The following MCC variants were observed in gnomAD, a reference collection of about 807,000 sequenced individuals.
MCC encodes colorectal mutant cancer protein.
In MCC, 90 loss-of-function variants were observed where a neutral mutation model predicts 116.2. That is an observed-to-expected ratio of 0.77 (90% CI 0.65 to 0.92). MCC has a LOEUF of 0.92. Ranked by LOEUF, MCC falls within the 40% of genes least tolerant of loss-of-function variation. MCC has a pLI of 0.00. For synonymous variants in MCC, 578 were observed against 510.5 expected (o/e 1.13, Z -1.78); for missense variants, 1,516 against 1,312.2 (o/e 1.16, Z -2.40).
At chr5:113,060,610 C>T (rs1356982230) in intron 14 of MCC, among the ~76,000 whole-genome samples, 7 of 152,172 alleles carry the variant, frequency 4.6e-5, no homozygotes, top group Admixed American at 3.3e-4. Flanking sequence ...GCAATGCTGG[C>T]ATTTTAATTG....
chr5:113,049,599 A>C (rs1232315738), intron 15 of MCC, among the ~76,000 whole-genome samples: 1 of 152,220 alleles, frequency 6.6e-6, no homozygotes, highest in East Asian at 1.9e-4. Flanking sequence ...TTTCTAACAA[A>C]TAGAGCCCCC....
At chr5:113,257,634 G>A (rs1765068049) in intron 3 of MCC, among the ~76,000 whole-genome samples, 1 of 152,160 alleles carries the variant, frequency 6.6e-6, no homozygotes, top group African/African-American at 2.4e-5. Context: ...CAGAAAGGCT[G>A]GCAATAAATA....
chr5:113,427,363 G>C (rs563968175), intron 1 of MCC, among the ~76,000 whole-genome samples: 10 of 152,266 alleles, frequency 6.6e-5, no homozygotes, highest in African/African-American at 9.6e-5. Flanking sequence ...GAGTTGACTG[G>C]AAAGGTCCCA....
At chr5:113,362,878 G>A (rs1378219171) in intron 2 of MCC, among the ~76,000 whole-genome samples, 2 of 152,012 alleles carry the variant, frequency 1.3e-5, no homozygotes, top group Non-Finnish European at 2.9e-5. Context: ...GTGGAGGGAG[G>A]GAGCTTCTGC....
intron 3 of MCC, among the ~76,000 whole-genome samples, chr5:113,158,778 A>G (rs909301054): frequency 9.2e-5 from 14 of 152,242 alleles, no homozygotes; most frequent in Admixed American, 2.0e-4. Flanking sequence ...AAAAACTGCA[A>G]TTACTTTTTC....
intron 1 of MCC, among the ~76,000 whole-genome samples, chr5:113,483,881 G>A (rs569407585): frequency 5.3e-5 from 8 of 152,068 alleles, no homozygotes; most frequent in South Asian, 4.2e-4. Context: ...AAACTAGATC[G>A]CGTCCTTTGC....
intron 3 of MCC, among the ~76,000 whole-genome samples, chr5:113,213,941 C>T (rs1763219657): frequency 6.6e-6 from 1 of 152,092 alleles, no homozygotes; most frequent in Non-Finnish European, 1.5e-5. Flanking sequence ...TTTTTTTTCT[C>T]CACTTCCTAA....
intron 12 of MCC, among the ~76,000 whole-genome samples, chr5:113,068,523 G>GT (rs1753786789): frequency 6.6e-6 from 1 of 152,220 alleles, no homozygotes; most frequent in Non-Finnish European, 1.5e-5. Flanking sequence ...CGGCACCCTG[G>GT]TGTCCACACC....
chr5:113,445,402 C>T (rs986364657), intron 1 of MCC, among the ~76,000 whole-genome samples: 2 of 152,042 alleles, frequency 1.3e-5, no homozygotes, highest in African/African-American at 4.8e-5. Context: ...AAGTTTCAGG[C>T]TACAAAATCA....
intron 2 of MCC, among the ~76,000 whole-genome samples, chr5:113,379,135 A>T (rs895124009): frequency 6.6e-6 from 1 of 152,218 alleles, no homozygotes; most frequent in Admixed American, 6.5e-5. Flanking sequence ...CATTTCTGGG[A>T]GTGGCCTCTG....
At chr5:113,241,745 C>T (rs1764377149) in intron 3 of MCC, among the ~76,000 whole-genome samples, 1 of 152,158 alleles carries the variant, frequency 6.6e-6, no homozygotes, top group South Asian at 2.1e-4. Flanking sequence ...CAGGGGTCTC[C>T]ACTGTTCCTT....
intron 1 of MCC, among the ~76,000 whole-genome samples, chr5:113,483,874 C>T (rs980288660): frequency 6.6e-6 from 1 of 151,752 alleles, no homozygotes; most frequent in Admixed American, 6.6e-5. Flanking sequence ...AAAAAAAAAA[C>T]TAGATCGCGT....
At chr5:113,391,104 G>A (rs970396684) in intron 1 of MCC, among the ~76,000 whole-genome samples, 1 of 152,162 alleles carries the variant, frequency 6.6e-6, no homozygotes, top group Non-Finnish European at 1.5e-5. Flanking sequence ...GAAATAAGTA[G>A]AGTGAAGTAC....
intron 11 of MCC, among the ~76,000 whole-genome samples, chr5:113,077,248 G>C (rs1754521864): frequency 1.3e-5 from 2 of 152,076 alleles, no homozygotes; most frequent in African/African-American, 4.8e-5. Context: ...ACAGATCAAT[G>C]AGACAGAAAG....
chr5:113,258,185 T>C (rs1017539366), intron 3 of MCC, among the ~76,000 whole-genome samples: 2 of 152,180 alleles, frequency 1.3e-5, no homozygotes, highest in African/African-American at 4.8e-5. Flanking sequence ...AAAACCAAAG[T>C]ACAATGCTTA....
At chr5:113,028,745 C>A (rs547855120) in intron 18 of MCC, among the ~76,000 whole-genome samples, 189 bp downstream of exon 18, 2 of 152,232 alleles carry the variant, frequency 1.3e-5, no homozygotes, top group South Asian at 4.1e-4. Context: ...TTCCACAGAC[C>A]ATCTTGGGAG....
chr5:113,121,350 A>G (rs1405564149), intron 6 of MCC, among the ~76,000 whole-genome samples: 1 of 152,226 alleles, frequency 6.6e-6, no homozygotes, highest in Admixed American at 6.5e-5. Flanking sequence ...TAAAGGCCAA[A>G]CATGGTCTCT....
At position 113,435,049 on chromosome 5, in the gene MCC, C is replaced by T. The variant is rs878967003; in HGVS notation, c.171-49837G>A. On this transcript the variant is annotated intron_variant, in intron 1 of 18. Transcript: ENST00000408903. ...CGAGTGAAGTCACAAAGGAGGAGTG[C>T]CCTGGGGGAATGAGACCCTGGCCTG... The T allele has an allele frequency of 1.0e-5, 6 of 585,194 alleles. No homozygotes were observed. The South Asian group carries it at 1.5e-4, about 15-fold the overall frequency. The allele number at this position is 585,194 out of a possible 1,614,324, so 36.3% of individuals were successfully genotyped here.
At chr5:113,457,014 G>A (rs998019195) in intron 1 of MCC, among the ~76,000 whole-genome samples, 5 of 152,208 alleles carry the variant, frequency 3.3e-5, no homozygotes, top group South Asian at 2.1e-4. Flanking sequence ...CGCTCTCACC[G>A]CCTCCTCTGC....
Sources: allele counts gnomAD v4.1 joint callset (sites outside exome capture counted in the v4.1 genomes callset), GRCh38; gene constraint gnomAD v4.1.1; transcripts MANE v1.5; gene names NCBI Gene and HGNC (gene_info 2026-07-23, HGNC 2026-07-21).